Variants in DHPS observed in about 807,000 individuals in gnomAD.
The protein encoded by DHPS is deoxyhypusine synthase.
In DHPS, 24 loss-of-function variants were observed where a neutral mutation model predicts 38.7. That is an observed-to-expected ratio of 0.62 (90% CI 0.45 to 0.87). The LOEUF is 0.87. DHPS is among the 40% of genes least tolerant of loss of function. DHPS has a pLI of 0.00. For missense variants in DHPS, 510 were observed against 497.6 expected, an observed-to-expected ratio of 1.02 and a Z score of -0.24; for synonymous variants, 250 against 204.4, an observed-to-expected ratio of 1.22 and a Z score of -1.90.
At chr19:12,677,421 G>A (rs1487394581) in intron 5 of DHPS, 25 bp from the exon 6 acceptor site, 8 of 1,600,234 alleles carry the variant, frequency 5.0e-6, no homozygotes, top group Non-Finnish European at 6.8e-6. Flanking sequence ...ACAGGACAGT[G>A]GCTGGAGCTC....
chr19:12,681,548 C>G lies in DHPS; in HGVS notation c.207+12G>C. Reference sequence around the variant, plus strand: ...CCCCTCCGCGTCCCTAGAAATTCCGCCCGGTCCTCACCATGGCATTGACTT... The same window carrying G: ...CCCCTCCGCGTCCCTAGAAATTCCGGCCGGTCCTCACCATGGCATTGACTT... On this transcript the variant is annotated intron_variant, in intron 1 of 8. Transcript: ENST00000210060. The G allele has an allele frequency of 1.9e-6, 3 of 1,614,158 alleles. No individual in the cohort carries two copies. Among genetic ancestry groups the G allele is most frequent in the African/African-American group, 1.3e-5 (1 of 75,080 alleles).
chr19:12,672,988 C>T (rs1262903488), downstream of DHPS: 1 of 1,608,154 alleles, frequency 6.2e-7, no homozygotes, highest in Non-Finnish European at 8.5e-7. Flanking sequence ...CCTCACTCAC[C>T]TACCCACCCT....
intron 1 of DHPS, 68 bp downstream of exon 1, chr19:12,681,488 CCCCG>C (rs2024811189): frequency 6.5e-7 from 1 of 1,544,946 alleles, no homozygotes. Context: ...GAAACGCTGC[CCCCG>C]TCTAGTACCG....
At position 12,675,948 on chromosome 19, in the gene DHPS, A is replaced by C. The variant is rs574388026; in HGVS notation, c.1015-15T>G. ...TCAGCATAGACCTGGGTAGGGGGGA[A>C]CCTGGGTAAGCCATGGGACCCACAC... On this transcript the variant is annotated splice_polypyrimidine_tract_variant and intron_variant, in intron 8 of 8. Transcript: ENST00000210060. 5.0e-6 allele frequency: 8 copies of C among 1,602,496 alleles called. No homozygotes were observed. The highest frequency in any genetic ancestry group is 6.8e-6 in the Non-Finnish European group (8 of 1,173,134).
In DHPS at chr19:12,678,793, ACT is replaced by A. The variant is rs1303325220; in HGVS notation, c.678+662_678+663del. Among the ~76,000 whole-genome samples the A allele has an allele frequency of 1.4e-4, 14 of 96,848 alleles. 1 individual carries two copies. The highest frequency in any genetic ancestry group is 7.6e-4 in the East Asian group (2 of 2,626). The allele number at this position is 96,848 out of a possible 152,430, so 63.5% of individuals were successfully genotyped here. The stretch of plus-strand genomic sequence containing the variant: ...CAAAAAAAAAAAAAAAAAAAAAAAG[ACT>A]ATGTAGCTTTTTTTTTTTTTTTTTC... On this transcript the variant is annotated intron_variant, in intron 5 of 8. Transcript: ENST00000210060.
chr19:12,675,076 T>C (rs147332364), downstream of DHPS, among the ~76,000 whole-genome samples: 32 of 149,038 alleles, frequency 2.1e-4, no homozygotes, highest in African/African-American at 7.9e-4. Context: ...ATGGCGCCAC[T>C]GCACTCCAGC....
At position 12,679,616 on chromosome 19, in the gene DHPS, G is replaced by A; in HGVS notation, c.591+7C>T. ...GAACTGGCCCCTCCAGGTTGCCCCAGCCCCACCTCTGTGTTCTGCTCCATC... is the reference window on the plus strand; with the variant it reads ...GAACTGGCCCCTCCAGGTTGCCCCAACCCCACCTCTGTGTTCTGCTCCATC... On this transcript the variant is annotated splice_region_variant and intron_variant, in intron 4 of 8. Transcript: ENST00000210060. 1 of 1,614,138 alleles carries A rather than the reference G, an allele frequency of 6.2e-7. No individual in the cohort carries two copies. Among genetic ancestry groups the A allele is most frequent in the Non-Finnish European group, 8.5e-7 (1 of 1,180,006 alleles).
chr19:12,673,355 G>A (rs1365454580), downstream of DHPS: 2 of 1,506,244 alleles, frequency 1.3e-6, no homozygotes, highest in South Asian at 1.1e-5. Flanking sequence ...CTAGATGCCT[G>A]CCCCATCTCA....
intron 5 of DHPS, among the ~76,000 whole-genome samples, chr19:12,678,429 T>C (rs1244735502): frequency 6.6e-6 from 1 of 151,964 alleles, no homozygotes; most frequent in African/African-American, 2.4e-5. Flanking sequence ...ATTGTGCCAT[T>C]GCACTCCAGC....
rs1013042263 is a variant in DHPS at position 12,681,586 on chromosome 19, G to A, written c.181C>T (p.Arg61Cys). Residue 61 changes from arginine (R) to cysteine (C), a missense_variant, in exon 1 of 9, where the codon CGC becomes TGC. Arg to Cys is a radical substitution (Grantham distance 180). Coordinates refer to ENST00000210060, the MANE Select transcript of DHPS (RefSeq NM_001930.4). ...TTGFQATNFG[R>C]AVQQVNAMIE... ...ATGGCATTGACTTGCTGTACAGCGC[G>A]CCCGAAGTTGGTTGCTTGGAAGCCG... 5 of 1,614,122 alleles carry A rather than the reference G, an allele frequency of 3.1e-6. No homozygotes were observed. The highest frequency in any genetic ancestry group is 4.2e-6 in the Non-Finnish European group (5 of 1,180,056).
Position 12,680,164 on chromosome 19 carries a change from G to C in DHPS, c.369C>G (p.Asn123Lys). The C allele has an allele frequency of 6.2e-7, 1 of 1,614,150 alleles. No homozygotes were observed. Among genetic ancestry groups the C allele is most frequent in the Non-Finnish European group, 8.5e-7 (1 of 1,180,006 alleles). Reference sequence around the variant, plus strand: ...CACGGCCTCACCAGGTCCCCACCATGTTGTGCTGCACAAGGTAGCGAATGG... The same window carrying C: ...CACGGCCTCACCAGGTCCCCACCATCTTGTGCTGCACAAGGTAGCGAATGG... ...RETIRYLVQHNMVDVLVTTAG... is the reference protein window; with the variant it reads ...RETIRYLVQHKMVDVLVTTAG... The change falls in exon 2 of 9, where the codon AAC becomes AAG. Residue 123 changes from asparagine to lysine, a missense_variant. Transcript: ENST00000210060.
chr19:12,681,276 C>A, intron 1 of DHPS: 1 of 1,300,160 alleles, frequency 7.7e-7, no homozygotes. Flanking sequence ...GCCCCAGGCT[C>A]CGCCCATTCC....
In DHPS at chr19:12,681,227, C is replaced by T. The variant is rs1466033162; in HGVS notation, c.207+333G>A. On this transcript the variant is annotated intron_variant, in intron 1 of 8. Transcript: ENST00000210060. The stretch of plus-strand genomic sequence containing the variant: ...AATCTAAATTCAAGAACCGCCCAGA[C>T]TTAGGCTCCTCCTCCCATATCCTCC... 4.8e-6 allele frequency: 6 copies of T among 1,255,666 alleles called. No homozygotes were observed. In the East Asian group the frequency reaches 2.3e-4, roughly 49 times the overall value. 77.8% of individuals were successfully genotyped at this position (1,255,666 alleles called of 1,614,324 possible). A position where few individuals can be genotyped will look rare whatever the true frequency, so the allele number is the denominator to read the frequency against.
At chr19:12,677,585 G>A (rs561221935) in intron 5 of DHPS, among the ~76,000 whole-genome samples, 189 bp from the exon 6 acceptor site, 1 of 152,210 alleles carries the variant, frequency 6.6e-6, no homozygotes, top group Admixed American at 6.5e-5. Context: ...TTAGTATAGT[G>A]CCTGGCACAT....
intron 5 of DHPS, among the ~76,000 whole-genome samples, chr19:12,678,974 A>G (rs945325311): frequency 2.0e-5 from 3 of 151,362 alleles, no homozygotes; most frequent in Non-Finnish European, 2.9e-5. Flanking sequence ...CTGAGGCCCC[A>G]CTAGTTATCT....
At chr19:12,680,000 C>T in intron 2 of DHPS, 78 bp from the exon 3 acceptor site, 1 of 1,566,712 alleles carries the variant, frequency 6.4e-7, no homozygotes, top group Non-Finnish European at 8.7e-7. Context: ...TAACCTCATC[C>T]TTGTCCAGTG....
Position 12,675,738 on chromosome 19 carries a change from C to A in DHPS, c.*100G>T. 2.5e-6 allele frequency: 4 copies of A among 1,580,992 alleles called. No homozygotes were observed. In the Admixed American group the frequency reaches 7.2e-5, roughly 29 times the overall value. ...GACATGGAAGGACTTCAGATACCATCTTATTCTAGAGACGTAGCTGACCAA... is the reference window on the plus strand; with the variant it reads ...GACATGGAAGGACTTCAGATACCATATTATTCTAGAGACGTAGCTGACCAA... On this transcript the variant is annotated 3_prime_UTR_variant, in exon 9 of 9. Transcript: ENST00000210060.
At chr19:12,679,043 C>G (rs2024710426) in intron 5 of DHPS, among the ~76,000 whole-genome samples, 1 of 151,984 alleles carries the variant, frequency 6.6e-6, no homozygotes, top group South Asian at 2.1e-4. Flanking sequence ...CGCCTGTAAT[C>G]CCAGCACTTT....
At chr19:12,673,310 G>A, downstream of DHPS, 2 of 1,613,568 alleles carry the variant, frequency 1.2e-6, no homozygotes, top group Non-Finnish European at 8.5e-7. Context: ...TCTGGGACCT[G>A]GTGGAGGTGA....
Sources: gnomAD v4.1 joint callset for allele counts (sites outside exome capture counted in the v4.1 genomes callset) on GRCh38, gnomAD v4.1.1 for gene constraint, MANE v1.5 for transcripts, NCBI Gene and HGNC (gene_info 2026-07-23, HGNC 2026-07-21) for gene names.